The following INSR variants were observed in gnomAD, a reference collection of about 807,000 sequenced individuals.
The protein encoded by INSR is insulin receptor, also known as IR.
A neutral mutation model predicts 142.6 loss-of-function variants in INSR; 67 were observed. That is an observed-to-expected ratio of 0.47 (90% CI 0.39 to 0.58). INSR has a LOEUF of 0.58. Ranked by LOEUF, INSR falls within the 20% of genes least tolerant of loss-of-function variation. The pLI, the probability that INSR is intolerant of heterozygous loss-of-function variation, is 0.00. For synonymous variants in INSR, 756 were observed against 743.1 expected (o/e 1.02, Z -0.28); for missense variants, 1,248 against 1,833.2 (o/e 0.68, Z 5.83).
intron 12 of INSR, among the ~76,000 whole-genome samples, chr19:7,142,571 T>C (rs1973096951): frequency 6.6e-6 from 1 of 151,840 alleles, no homozygotes; most frequent in Non-Finnish European, 1.5e-5. Context: ...GGCAGACACC[T>C]GTAGTCCCAG....
intron 8 of INSR, among the ~76,000 whole-genome samples, chr19:7,163,948 A>AAAAAAAAAAAAAAAAAAAG (rs1411048837): frequency 7.4e-6 from 1 of 136,032 alleles, no homozygotes; most frequent in Non-Finnish European, 1.5e-5. Context: ...AAAAAAAAAA[A>AAAAAAAAAAAAAAAAAAAG]ATTAGCTGGA....
At chr19:7,278,646 G>A (rs535483606) in intron 1 of INSR, among the ~76,000 whole-genome samples, 12 of 152,208 alleles carry the variant, frequency 7.9e-5, no homozygotes, top group Non-Finnish European at 1.3e-4. Context: ...ATCACCTGAG[G>A]TCAGGAGTTT....
At chr19:7,129,736 C>A (rs1447871369) in intron 14 of INSR, among the ~76,000 whole-genome samples, 1 of 151,978 alleles carries the variant, frequency 6.6e-6, no homozygotes, top group Admixed American at 6.6e-5. Context: ...ATGTAAACTT[C>A]TTTTAATTTT....
At chr19:7,185,287 G>A (rs35211876) in intron 2 of INSR, among the ~76,000 whole-genome samples, 51,782 of 152,042 alleles carry the variant, frequency 0.34, 9,394 homozygotes, top group East Asian at 0.45. Context: ...TTTCACCACT[G>A]GCTCCAGCAA....
At chr19:7,242,255 G>C (rs1199372147) in intron 2 of INSR, among the ~76,000 whole-genome samples, 3 of 151,992 alleles carry the variant, frequency 2.0e-5, no homozygotes, top group Non-Finnish European at 4.4e-5. Flanking sequence ...TGTAGCCCCA[G>C]CTACTTGGGA....
At chr19:7,177,642 C>T (rs557094198) in intron 3 of INSR, among the ~76,000 whole-genome samples, 1 of 151,772 alleles carries the variant, frequency 6.6e-6, no homozygotes, top group Admixed American at 6.6e-5. Context: ...ATTCTCCTGC[C>T]TCAGCCTCCC....
At chr19:7,201,330 C>G (rs766724961) in intron 2 of INSR, among the ~76,000 whole-genome samples, 5 of 152,084 alleles carry the variant, frequency 3.3e-5, no homozygotes, top group Non-Finnish European at 4.4e-5. Flanking sequence ...GTAGAGCTGT[C>G]TTTACAATTT....
intron 2 of INSR, among the ~76,000 whole-genome samples, chr19:7,253,737 T>C (rs985490537): frequency 6.6e-6 from 1 of 152,046 alleles, no homozygotes; most frequent in African/African-American, 2.4e-5. Context: ...TGTTTAAAAA[T>C]GAGCAAACGG....
intron 3 of INSR, among the ~76,000 whole-genome samples, chr19:7,183,263 G>GGTGTGT (rs71177167): frequency 0.031 from 4,573 of 146,550 alleles, 82 homozygotes; most frequent in African/African-American, 0.05. Context: ...GTTGTTTTGT[G>GGTGTGT]GTGTGTGTGT....
In INSR at chr19:7,131,687, CT is replaced by C. The variant is rs371571877; in HGVS notation, c.2842+470del. 9.5e-3 allele frequency among the ~76,000 whole-genome samples: 1,163 copies of C among 121,982 alleles called. 13 individuals are homozygous for C. Among genetic ancestry groups the C allele is most frequent in the East Asian group, 0.064 (259 of 4,068 alleles). The allele number at this position is 121,982 out of a possible 152,430, so 80.0% of individuals were successfully genotyped here. A position where few individuals can be genotyped will look rare whatever the true frequency, so the allele number is the denominator to read the frequency against. On this transcript the variant is annotated intron_variant, in intron 14 of 21. Transcript: ENST00000302850. ...ATGAACTGCACAGGTACCTCTGAAA[CT>C]TTTTTTTTTTTTTTTAAGTGCAGGA...
Position 7,159,008 on chromosome 19 carries a change from T to C in INSR, c.2029+4024A>G, listed in dbSNP as rs372309170. 6.6e-6 allele frequency among the ~76,000 whole-genome samples: 1 copy of C among 152,118 alleles called. No individual in the cohort carries two copies. Among genetic ancestry groups the C allele is most frequent in the Non-Finnish European group, 1.5e-5 (1 of 68,020 alleles). ...ACCTCTGCCTCCCAGATTCAAGCGA[T>C]TCTCCTGCCTCAGCCTCCTGAGTAG... On this transcript the variant is annotated intron_variant, in intron 9 of 21. Coordinates refer to ENST00000302850, the MANE Select transcript of INSR (RefSeq NM_000208.4). The surrounding 1 kb of genome is among the most constrained non-coding windows in gnomAD (Gnocchi z 4.3).
chr19:7,190,874 AATG>A (rs1201113977), intron 2 of INSR, among the ~76,000 whole-genome samples: 1 of 152,236 alleles, frequency 6.6e-6, no homozygotes. Context: ...ACCATAAAAC[AATG>A]ATAAGTATGT....
intron 2 of INSR, among the ~76,000 whole-genome samples, chr19:7,191,707 T>C (rs1026477717): frequency 2.0e-5 from 3 of 151,988 alleles, no homozygotes; most frequent in Admixed American, 6.6e-5. Flanking sequence ...CGTAAACCAA[T>C]AGTCCCAGCT....
In INSR at chr19:7,159,794, A is replaced by G. The variant is rs1252181235; in HGVS notation, c.2029+3238T>C. 2.0e-5 allele frequency: 3 copies of G among 152,212 alleles called. No individual in the cohort carries two copies. 9.4% of individuals were successfully genotyped at this position (152,212 alleles called of 1,614,324 possible). On this transcript the variant is annotated intron_variant, in intron 9 of 21. Transcript: ENST00000302850. This position sits in a 1 kb window ranked among gnomAD's most constrained non-coding sequence, Gnocchi z 4.3. ...TCTGTCCTCCCGCCCCTTCTCCCAA[A>G]AAGGAGGCAGACGGTGACTTGCTTG...
intron 13 of INSR, among the ~76,000 whole-genome samples, chr19:7,140,462 T>C (rs571234860): frequency 2.2e-4 from 34 of 152,320 alleles, no homozygotes; most frequent in African/African-American, 7.9e-4. Context: ...GAGTCAAACA[T>C]GTTTACTATC....
chr19:7,282,095 T>G (rs1968217566), intron 1 of INSR, among the ~76,000 whole-genome samples: 2 of 152,208 alleles, frequency 1.3e-5, no homozygotes, highest in Admixed American at 1.3e-4. Context: ...CGGGGCACGG[T>G]GGCTCACACC....
chr19:7,202,294 A>G (rs7245777), intron 2 of INSR, among the ~76,000 whole-genome samples: 10,102 of 152,132 alleles, frequency 0.066, 1,026 homozygotes, highest in African/African-American at 0.22. Context: ...TGTGCTTATT[A>G]TTTCCAATAT....
chr19:7,182,814 T>G (rs940396458), intron 3 of INSR, among the ~76,000 whole-genome samples: 1 of 147,368 alleles, frequency 6.8e-6, no homozygotes, highest in African/African-American at 2.6e-5. Context: ...CAGAAGATAT[T>G]AACCCATTTT....
chr19:7,254,027 T>C (rs1466807995), intron 2 of INSR, among the ~76,000 whole-genome samples: 1 of 61,388 alleles, frequency 1.6e-5, no homozygotes. Context: ...AAACTCCATC[T>C]CAAAAAAAAA....
Sources: allele counts gnomAD v4.1 joint callset (sites outside exome capture counted in the v4.1 genomes callset), GRCh38; gene constraint gnomAD v4.1.1; non-coding constraint Gnocchi (gnomAD v3.1); transcripts MANE v1.5; gene names NCBI Gene and HGNC (gene_info 2026-07-23, HGNC 2026-07-21).